Variants in THEM4 observed in about 807,000 individuals in gnomAD.
The protein encoded by THEM4 is acyl-coenzyme A thioesterase THEM4.
Under a neutral mutation model 25.0 loss-of-function variants are expected in THEM4, and 22 were observed. The ratio of observed to expected loss-of-function variants is 0.88; its 90% confidence interval spans 0.63 to 1.26. The LOEUF (loss-of-function observed/expected upper bound fraction) is 1.26. THEM4 is among the 50% of genes most tolerant of loss of function. THEM4 has a pLI of 0.00. For missense variants in THEM4, 286 were observed against 300.3 expected (o/e 0.95, Z 0.35); for synonymous variants, 113 against 105.6 (o/e 1.07, Z -0.43).
chr1:151,894,938 A>C, intron 2 of THEM4, 70 bp downstream of exon 2: 2 of 1,474,228 alleles, frequency 1.4e-6, no homozygotes, highest in Non-Finnish European at 1.9e-6. Flanking sequence ...GGTAGTAACT[A>C]GTACTTCAAT....
At chr1:151,908,466 A>G (rs1165159236) in intron 1 of THEM4, among the ~76,000 whole-genome samples, 1 of 151,934 alleles carries the variant, frequency 6.6e-6, no homozygotes, top group Non-Finnish European at 1.5e-5. Context: ...CCCTTTCGCT[A>G]TTTGTCGATT....
chr1:151,889,904 CTTTT>C (rs5777788), intron 2 of THEM4: 25 of 94,986 alleles, frequency 2.6e-4, no homozygotes, highest in South Asian at 1.1e-3. Flanking sequence ...AACCAGGCTT[CTTTT>C]TTTTTTTTTT....
At chr1:151,893,859 CTT>C (rs983728312) in intron 2 of THEM4, among the ~76,000 whole-genome samples, 4 of 144,754 alleles carry the variant, frequency 2.8e-5, no homozygotes, top group Non-Finnish European at 3.1e-5. Context: ...TTCTTTTTCT[CTT>C]TTTTTTTTTG....
intron 4 of THEM4, among the ~76,000 whole-genome samples, chr1:151,880,638 A>G (rs1653793228): frequency 1.3e-5 from 2 of 152,164 alleles, no homozygotes; most frequent in Admixed American, 6.5e-5. Context: ...TTTTATTACT[A>G]TGAAGTAGCC....
rs1331962390 is a variant in THEM4, at chr1:151,906,882, C to T, written c.99+2478G>A. On this transcript the variant is annotated intron_variant, in intron 1 of 5. Coordinates refer to ENST00000368814, the MANE Select transcript of THEM4 (RefSeq NM_053055.5). The stretch of plus-strand genomic sequence containing the variant: ...GTAAATGCACCAATCAGGGCCCTGT[C>T]AAAACAGACCACTTGGCTCTACCAA... 3.3e-5 allele frequency among the ~76,000 whole-genome samples: 5 copies of T among 152,210 alleles called. No homozygotes were observed. The East Asian group carries it at 9.7e-4, about 29-fold the overall frequency.
chr1:151,881,098 T>C (rs562941983), intron 4 of THEM4, among the ~76,000 whole-genome samples: 1 of 152,214 alleles, frequency 6.6e-6, no homozygotes, highest in Non-Finnish European at 1.5e-5. Flanking sequence ...CCTCCCAAAC[T>C]ACATGCTATT....
intron 2 of THEM4, among the ~76,000 whole-genome samples, chr1:151,893,473 A>AT (rs1394369618): frequency 9.2e-5 from 14 of 151,842 alleles, no homozygotes; most frequent in Non-Finnish European, 1.9e-4. Context: ...CAGTTGTGGC[A>AT]TGTTTATATG....
intron 4 of THEM4, among the ~76,000 whole-genome samples, chr1:151,883,207 T>C (rs917807243): frequency 6.6e-6 from 1 of 151,508 alleles, no homozygotes; most frequent in Non-Finnish European, 1.5e-5. Flanking sequence ...AACTCTCAGG[T>C]TCAAGCAATT....
At chr1:151,884,456 G>A (rs1277118456) in intron 4 of THEM4, among the ~76,000 whole-genome samples, 3 of 152,140 alleles carry the variant, frequency 2.0e-5, no homozygotes, top group Non-Finnish European at 2.9e-5. Context: ...CCCACAAGGC[G>A]GGGTAGTTAT....
In THEM4 at chr1:151,879,731, A is replaced by G. The variant is rs181033927; in HGVS notation, c.558-2606T>C. Reference sequence around the variant, plus strand: ...GAGTGCAGTGGCGCGATCTTGGTTCACTGCAACCTCCGCCTCCTGGGTTCA... The same window carrying G: ...GAGTGCAGTGGCGCGATCTTGGTTCGCTGCAACCTCCGCCTCCTGGGTTCA... On this transcript the variant is annotated intron_variant, in intron 4 of 5. Coordinates refer to ENST00000368814, the MANE Select transcript of THEM4 (RefSeq NM_053055.5). 8.2e-5 allele frequency among the ~76,000 whole-genome samples: 12 copies of G among 146,158 alleles called. No individual in the cohort carries two copies. In the East Asian group the frequency reaches 2.4e-3, roughly 29 times the overall value.
chr1:151,894,371 A>C (rs1399589953), intron 2 of THEM4, among the ~76,000 whole-genome samples: 1 of 152,262 alleles, frequency 6.6e-6, no homozygotes, highest in African/African-American at 2.4e-5. Context: ...ACCTTAATTA[A>C]GAATAATATA....
chr1:151,886,639 AAATT>A (rs1375612065), intron 4 of THEM4, among the ~76,000 whole-genome samples: 3 of 152,198 alleles, frequency 2.0e-5, no homozygotes, highest in African/African-American at 7.2e-5. Context: ...AACTTTCCCC[AAATT>A]AATCTCTAGA....
chr1:151,889,365 G>A lies in THEM4; in HGVS notation c.295C>T (p.Leu99Phe), dbSNP rs747450623. ...TGTGACATTTGTTCTTCTTTCATAA[G>A]CTTTGGGTCTATAGAAAATGAGGTG... ...DFKTHFLDPK[L>F]MKEEQMSQAQ... is the part of the protein sequence containing the mutation. Residue 99 changes from leucine (L) to phenylalanine (F), a missense_variant, in exon 3 of 6, where the codon CTT (leucine) becomes TTT (phenylalanine). Leu to Phe is a conservative substitution (Grantham distance 22). Transcript: ENST00000368814. The A allele has an allele frequency of 6.2e-7, 1 of 1,613,130 alleles. No homozygotes were observed. Among genetic ancestry groups the A allele is most frequent in the Non-Finnish European group, 8.5e-7 (1 of 1,179,582 alleles).
intron 4 of THEM4, among the ~76,000 whole-genome samples, chr1:151,877,717 G>A (rs1653715203): frequency 6.6e-6 from 1 of 152,112 alleles, no homozygotes; most frequent in South Asian, 2.1e-4. Flanking sequence ...TTGAAATGTG[G>A]CTAGCATAAC....
chr1:151,902,679 A>G (rs1040424531), intron 1 of THEM4, among the ~76,000 whole-genome samples: 2 of 152,126 alleles, frequency 1.3e-5, no homozygotes, highest in African/African-American at 4.8e-5. Context: ...AAATTAAACA[A>G]AACAGATCAA....
chr1:151,880,280 A>T (rs535208523), intron 4 of THEM4, among the ~76,000 whole-genome samples: 1 of 152,028 alleles, frequency 6.6e-6, no homozygotes, highest in Non-Finnish European at 1.5e-5. Flanking sequence ...ATTCGAGAGC[A>T]GCCTGGTCAG....
At chr1:151,886,658 A>G (rs1379149030) in intron 4 of THEM4, among the ~76,000 whole-genome samples, 6 of 152,198 alleles carry the variant, frequency 3.9e-5, no homozygotes, top group Non-Finnish European at 1.5e-5. Flanking sequence ...TCTAGAATCA[A>G]TGTAATTGCT....
intron 4 of THEM4, among the ~76,000 whole-genome samples, chr1:151,880,336 G>A (rs1653784497): frequency 6.6e-6 from 1 of 152,040 alleles, no homozygotes; most frequent in Non-Finnish European, 1.5e-5. Context: ...AAATTAGCCA[G>A]GCATGGTGGT....
At chr1:151,905,569 A>G (rs1450346101) in intron 1 of THEM4, among the ~76,000 whole-genome samples, 1 of 152,204 alleles carries the variant, frequency 6.6e-6, no homozygotes, top group Non-Finnish European at 1.5e-5. Context: ...AGGCAGTAAC[A>G]GGCAAAGCCC....
Sources: gnomAD v4.1 joint callset for allele counts (sites outside exome capture counted in the v4.1 genomes callset) on GRCh38, gnomAD v4.1.1 for gene constraint, MANE v1.5 for transcripts, NCBI Gene and HGNC (gene_info 2026-07-23, HGNC 2026-07-21) for gene names.